SGCD: variants seen among roughly 807,000 people sequenced by gnomAD.
SGCD encodes delta-sarcoglycan.
A neutral mutation model predicts 36.6 loss-of-function variants in SGCD; 18 were observed. The observed-to-expected ratio is 0.49, with a 90% CI of 0.34 to 0.73. The LOEUF (loss-of-function observed/expected upper bound fraction) is 0.73, where lower values mean the gene tolerates loss of function less well. Among genes scored for constraint, SGCD ranks in the 30% least tolerant of loss-of-function variants. The pLI is 0.01. For synonymous variants in SGCD, 133 were observed against 130.6 expected, an observed-to-expected ratio of 1.02 and a Z score of -0.12; for missense variants, 387 against 346.7, an observed-to-expected ratio of 1.12 and a Z score of -0.92.
intron 1 of SGCD, among the ~76,000 whole-genome samples, chr5:156,033,140 G>T (rs1318162413): frequency 1.3e-5 from 2 of 151,836 alleles, no homozygotes; most frequent in Non-Finnish European, 2.9e-5. Flanking sequence ...GCTCAAATTT[G>T]TCTGTTTCTT....
In SGCD at chr5:156,386,938, G is replaced by C. The variant is rs561680602; in HGVS notation, c.192+42261G>C. Among the ~76,000 whole-genome samples the C allele has an allele frequency of 2.0e-5, 3 of 152,290 alleles. No homozygotes were observed. In the South Asian group the frequency reaches 6.2e-4, roughly 32 times the overall value. On this transcript the variant is annotated intron_variant, in intron 3 of 8. Coordinates refer to ENST00000337851, the MANE Select transcript of SGCD (RefSeq NM_000337.6). Reference sequence around the variant, plus strand: ...TTGTTTCTTGTTTTGTTACTTTTTTGTGGGGAGAGTACACACCAGTTAAAA... The same window carrying C: ...TTGTTTCTTGTTTTGTTACTTTTTTCTGGGGAGAGTACACACCAGTTAAAA...
chr5:156,231,495 C>A (rs889068177), intron 3 of SGCD, among the ~76,000 whole-genome samples: 4 of 152,106 alleles, frequency 2.6e-5, no homozygotes, highest in African/African-American at 9.7e-5. Flanking sequence ...GAGATCGCCC[C>A]ACTGCACTCT....
the SGCD span, among the ~76,000 whole-genome samples, chr5:155,821,007 G>T: frequency 1.3e-5 from 2 of 152,016 alleles, no homozygotes; most frequent in Non-Finnish European, 2.9e-5. Context: ...CATGTGAATT[G>T]CCAAGTCCAG....
chr5:155,765,644 T>C, the SGCD span, among the ~76,000 whole-genome samples: 1 of 152,140 alleles, frequency 6.6e-6, no homozygotes, highest in East Asian at 1.9e-4. Flanking sequence ...TGCTGGACCA[T>C]ATGCAGTATT....
intron 3 of SGCD, among the ~76,000 whole-genome samples, chr5:156,185,852 G>GT (rs1763740416): frequency 1.7e-4 from 1 of 5,894 alleles, no homozygotes; most frequent in African/African-American, 2.6e-4. Context: ...TATATATATA[G>GT]AGAGAGAGAG....
At chr5:156,274,604 T>C (rs1408995477) in intron 3 of SGCD, among the ~76,000 whole-genome samples, 1 of 152,188 alleles carries the variant, frequency 6.6e-6, no homozygotes, top group Non-Finnish European at 1.5e-5. Context: ...TACTATATGA[T>C]GTTATCATAA....
chr5:156,018,903 G>A (rs994506648), intron 1 of SGCD, among the ~76,000 whole-genome samples: 14 of 152,006 alleles, frequency 9.2e-5, no homozygotes, highest in Admixed American at 2.6e-4. Flanking sequence ...AATTTTTCCC[G>A]GATTTTCATC....
At chr5:156,362,556 G>A (rs1177517242) in intron 3 of SGCD, among the ~76,000 whole-genome samples, 1 of 152,188 alleles carries the variant, frequency 6.6e-6, no homozygotes, top group Non-Finnish European at 1.5e-5. Flanking sequence ...TGAGGCAGAA[G>A]AATCACTTGA....
At position 156,017,096 on chromosome 5, in the gene SGCD, T is replaced by A. The variant is rs72807743; in HGVS notation, c.-281-100782T>A. Among the ~76,000 whole-genome samples the A allele has an allele frequency of 6.1e-3, 931 of 152,282 alleles. 5 individuals carry two copies. The highest frequency in any genetic ancestry group is 0.011 in the Non-Finnish European group (726 of 68,000). ...TATGCTTTTGAATGTGGCCAACTAA[T>A]GGTTGGGAAATTTGCATTTCTCTTA... is the stretch of plus-strand genomic sequence containing the variant. On this transcript the variant is annotated intron_variant, in intron 1 of 9. Transcript: ENST00000517913.
intron 4 of SGCD, among the ~76,000 whole-genome samples, chr5:156,585,864 TA>T (rs961405860): frequency 6.6e-6 from 1 of 152,008 alleles, no homozygotes; most frequent in Non-Finnish European, 1.5e-5. Context: ...AATTATATAA[TA>T]AAAAAACTTT....
chr5:156,185,373 C>CAA (rs1278862941), intron 3 of SGCD, among the ~76,000 whole-genome samples: 6 of 151,834 alleles, frequency 4.0e-5, no homozygotes, highest in African/African-American at 1.5e-4. Context: ...CGCCACCATG[C>CAA]CCGGCAAATT....
Position 155,938,350 on chromosome 5 carries a change from A to G in SGCD, c.-282+67926A>G, listed in dbSNP as rs143538546. Among the ~76,000 whole-genome samples the G allele has an allele frequency of 1.4e-4, 22 of 152,300 alleles. No individual in the cohort carries two copies. The East Asian group carries it at 2.5e-3, about 17-fold the overall frequency. On this transcript the variant is annotated intron_variant, in intron 1 of 9. Transcript: ENST00000517913. Reference sequence around the variant, plus strand: ...CCAGGATAAGAATGCTTAGGGAATCACTTGAGATTGAATTTTTCATCTGAC... The same window carrying G: ...CCAGGATAAGAATGCTTAGGGAATCGCTTGAGATTGAATTTTTCATCTGAC...
intron 1 of SGCD, among the ~76,000 whole-genome samples, chr5:156,070,363 G>A (rs1366786125): frequency 6.6e-6 from 1 of 151,304 alleles, no homozygotes; most frequent in Admixed American, 6.6e-5. Context: ...TTTGTCAAAG[G>A]CCTTTTCTGC....
chr5:156,617,359 T>C (rs971439695), intron 6 of SGCD, among the ~76,000 whole-genome samples: 1 of 152,194 alleles, frequency 6.6e-6, no homozygotes, highest in Non-Finnish European at 1.5e-5. Flanking sequence ...ATAGACACGA[T>C]ACCTTGAGAT....
intron 1 of SGCD, among the ~76,000 whole-genome samples, chr5:155,917,603 C>A (rs1030744423): frequency 6.6e-6 from 1 of 152,084 alleles, no homozygotes; most frequent in African/African-American, 2.4e-5. Flanking sequence ...ATAAAACATA[C>A]AGCCTAACCA....
rs769519400 is a variant in SGCD, at chr5:156,329,594, G to A, written c.3+15G>A. On this transcript the variant is annotated intron_variant, in intron 2 of 8. Coordinates refer to ENST00000337851, the MANE Select transcript of SGCD (RefSeq NM_000337.6). ...AGGTGGAGATGGTGAGTAATTCCCG[G>A]GAGCGAAGCTTGTTCAAGGCCCTGC... is the stretch of plus-strand genomic sequence containing the variant. 7.4e-6 allele frequency: 12 copies of A among 1,611,664 alleles called. No homozygotes were observed. The highest frequency in any genetic ancestry group is 1.3e-5 in the African/African-American group (1 of 74,796).
intron 2 of SGCD, among the ~76,000 whole-genome samples, chr5:156,333,114 A>G (rs551828301): frequency 6.6e-6 from 1 of 152,302 alleles, no homozygotes; most frequent in East Asian, 1.9e-4. Flanking sequence ...TTCCTTTCCT[A>G]CCACAGGTTT....
intron 1 of SGCD, among the ~76,000 whole-genome samples, chr5:155,908,300 A>G (rs1756564486): frequency 6.6e-6 from 1 of 152,012 alleles, no homozygotes; most frequent in Non-Finnish European, 1.5e-5. Flanking sequence ...GTATGCTTGT[A>G]TTTTACTCAA....
chr5:155,892,994 T>C (rs1347977106), intron 1 of SGCD, among the ~76,000 whole-genome samples: 1 of 151,988 alleles, frequency 6.6e-6, no homozygotes, highest in African/African-American at 2.4e-5. Flanking sequence ...TGAGGAGAGG[T>C]TGGCCACCAG....
Sources: gnomAD v4.1 joint callset for allele counts (sites outside exome capture counted in the v4.1 genomes callset) on GRCh38, gnomAD v4.1.1 for gene constraint, MANE v1.5 for transcripts, NCBI Gene and HGNC (gene_info 2026-07-23, HGNC 2026-07-21) for gene names.